POLD1: variants seen among roughly 807,000 people sequenced by gnomAD.
POLD1 encodes DNA polymerase delta catalytic subunit.
POLD1 carries 79 observed loss-of-function variants against 129.7 expected under a neutral mutation model. The observed-to-expected ratio is 0.61, with a 90% CI of 0.51 to 0.73. The LOEUF is 0.73. Ranked by LOEUF, POLD1 falls within the 30% of genes least tolerant of loss-of-function variation. The probability of loss-of-function intolerance (pLI) is 0.00; values close to 1 mark genes in which losing one functional copy is unlikely to be tolerated. For synonymous variants in POLD1, 714 were observed against 683.3 expected, an observed-to-expected ratio of 1.04 and a Z score of -0.70; for missense variants, 1,338 against 1,595.8, an observed-to-expected ratio of 0.84 and a Z score of 2.75.
chr19:50,402,277 C>G lies in POLD1; in HGVS notation c.662C>G (p.Ala221Gly). The change falls in exon 6 of 27, where the codon GCC becomes GGC. Residue 221 changes from alanine (A) to glycine (G), a missense_variant. Transcript: ENST00000440232. ...ACCGTGGCGCTGCCGCGCCTCGTGG[C>G]CCCGGCCCGCCGTCTCCTGGAACAG... ...RITVALPRLV[A>G]PARRLLEQGI... is the part of the protein sequence containing the mutation. 1.2e-6 allele frequency: 2 copies of G among 1,606,896 alleles called. No homozygotes were observed. The highest frequency in any genetic ancestry group is 8.5e-7 in the Non-Finnish European group (1 of 1,175,650).
intron 13 of POLD1, 38 bp from the exon 14 acceptor site, chr19:50,407,289 C>A (rs373705242): frequency 2.5e-6 from 4 of 1,588,276 alleles, no homozygotes; most frequent in Non-Finnish European, 3.4e-6. Flanking sequence ...CACGGCCCCA[C>A]CTATACCCAC....
At chr19:50,402,924 G>A in intron 8 of POLD1, 129 bp from the exon 9 acceptor site, 1 of 1,358,598 alleles carries the variant, frequency 7.4e-7, no homozygotes. Flanking sequence ...GAGCAGAGCA[G>A]GAGCCAGGGT....
intron 3 of POLD1, among the ~76,000 whole-genome samples, chr19:50,400,988 G>A (rs796427815): frequency 2.6e-5 from 4 of 151,650 alleles, no homozygotes; most frequent in African/African-American, 9.7e-5. Flanking sequence ...GAGCCACCGC[G>A]CCCGGCCTGG....
rs1229830033 is a variant in POLD1 at position 50,401,846 on chromosome 19, G to C, written c.385G>C (p.Gly129Arg). 6.2e-7 allele frequency: 1 copy of C among 1,613,892 alleles called. No individual in the cohort carries two copies. The highest frequency in any genetic ancestry group is 1.7e-5 in the Admixed American group (1 of 60,010). ...CTCCGTGCCTGTGCTCCGCGCCTTC[G>C]GGGTCACCGATGAGGGGTTCTCTGT... ...RGSVPVLRAFGVTDEGFSVCC... is the reference protein window; with the variant it reads ...RGSVPVLRAFRVTDEGFSVCC... The change falls in exon 4 of 27, where the codon GGG becomes CGG. Residue 129 changes from glycine to arginine, a missense_variant. Coordinates refer to ENST00000440232, the MANE Select transcript of POLD1 (RefSeq NM_002691.4).
At chr19:50,405,545 A>G (rs1433050886) in intron 10 of POLD1, among the ~76,000 whole-genome samples, 2 of 152,196 alleles carry the variant, frequency 1.3e-5, no homozygotes, top group Admixed American at 6.5e-5. Context: ...CCAGGGCAAC[A>G]TAGCAAGACC....
At chr19:50,395,468 C>T (rs1010294941) in intron 1 of POLD1, among the ~76,000 whole-genome samples, 2 of 152,100 alleles carry the variant, frequency 1.3e-5, no homozygotes, top group African/African-American at 4.8e-5. Context: ...CCTGTAGTCC[C>T]AGCTACTCAG....
rs1478100057 is a variant in POLD1 at position 50,416,359 on chromosome 19, C to A, written c.2821-37C>A. 1.4e-5 allele frequency: 21 copies of A among 1,544,624 alleles called. No homozygotes were observed. Among genetic ancestry groups the A allele is most frequent in the Non-Finnish European group, 1.8e-5 (21 of 1,145,394 alleles). ...CCCCGTGTCCACCCCGGTGCCCTTTCCCTGGCTGCCCGGGTGTGACTGCCA... is the reference window on the plus strand; with the variant it reads ...CCCCGTGTCCACCCCGGTGCCCTTTACCTGGCTGCCCGGGTGTGACTGCCA... On this transcript the variant is annotated intron_variant, in intron 22 of 26. Transcript: ENST00000440232.
In POLD1 at chr19:50,417,772, C is replaced by T. The variant is rs558381808; in HGVS notation, c.3219-70C>T. On this transcript the variant is annotated intron_variant, in intron 26 of 26. Transcript: ENST00000440232. The stretch of plus-strand genomic sequence containing the variant: ...CGGGGACCAAAGTCCTGGGAACAGC[C>T]CCCACCCCTCTCCCAGGCTGGGCAC... The T allele has an allele frequency of 9.6e-5, 92 of 960,664 alleles. No homozygotes were observed. The Admixed American group carries it at 1.4e-3, about 15-fold the overall frequency. The allele number at this position is 960,664 out of a possible 1,614,324, so 59.5% of individuals were successfully genotyped here. A position where few individuals can be genotyped will look rare whatever the true frequency, so the allele number is the denominator to read the frequency against.
At position 50,416,437 on chromosome 19, in the gene POLD1, G is replaced by T. The variant is rs3219440; in HGVS notation, c.2862G>T (p.Thr954=). The T allele has an allele frequency of 6.5e-7, 1 of 1,549,982 alleles. No individual in the cohort carries two copies. The highest frequency in any genetic ancestry group is 8.7e-7 in the Non-Finnish European group (1 of 1,147,448). ...TGGAGCACAGCCTGCCCATTGACAC[G>T]CAGTACTACCTGGAGCAGCAGCTGG... ...FVLEHSLPID[T]QYYLEQQLAK... Residue 954 remains threonine, a synonymous_variant, in exon 23 of 27, where the codon ACG becomes ACT. Transcript: ENST00000440232.
chr19:50,387,842 A>G (rs2038023483), intron 1 of POLD1: 1 of 152,506 alleles, frequency 6.6e-6, no homozygotes, highest in South Asian at 2.1e-4. Flanking sequence ...CCCAAAGAGC[A>G]CAAACGCAGT....
chr19:50,403,173 T>C lies in POLD1; in HGVS notation c.1091T>C (p.Leu364Pro), dbSNP rs947583054. The change falls in exon 9 of 27, where the codon CTG becomes CCG. Residue 364 changes from leucine (L) to proline (P), a missense_variant. By Grantham distance (98) the Leu-to-Pro change is moderately conservative. Transcript: ENST00000440232. ...ACCCTGCGGCCCTGTGCCCCCATCC[T>C]GGGTGCCAAGGTGCAGAGCTACGAG... ...ALTLRPCAPI[L>P]GAKVQSYEKE... The C allele has an allele frequency of 7.7e-6, 12 of 1,562,466 alleles. No homozygotes were observed. Among genetic ancestry groups the C allele is most frequent in the Non-Finnish European group, 9.5e-6 (11 of 1,153,108 alleles).
At position 50,402,089 on chromosome 19, in the gene POLD1, C is replaced by T. The variant is rs370292497; in HGVS notation, c.554C>T (p.Pro185Leu). 22 of 1,613,798 alleles carry T rather than the reference C, an allele frequency of 1.4e-5. No homozygotes were observed. Among genetic ancestry groups the T allele is most frequent in the African/African-American group, 4.0e-5 (3 of 75,056 alleles). ...DSRGGRELTG[P>L]AVLAVELCSR... ...CGCGGGGGGAGGGAGCTGACTGGGC[C>T]GGCCGTGCTGGCTGTGGAACTGTGC... is the stretch of plus-strand genomic sequence containing the variant. Residue 185 changes from proline (P) to leucine (L), a missense_variant, in exon 5 of 27, where the codon CCG becomes CTG. By Grantham distance (98) the Pro-to-Leu change is moderately conservative (BLOSUM62 -3). Coordinates refer to ENST00000440232, the MANE Select transcript of POLD1 (RefSeq NM_002691.4).
intron 1 of POLD1, among the ~76,000 whole-genome samples, chr19:50,392,922 A>G (rs2546550): frequency 0.072 from 10,906 of 152,328 alleles, 1,302 homozygotes; most frequent in African/African-American, 0.24. Flanking sequence ...CTATCAGTAC[A>G]CAAAGAGCTT....
intron 1 of POLD1, among the ~76,000 whole-genome samples, chr19:50,395,911 T>C (rs1267527341): frequency 3.3e-5 from 3 of 90,342 alleles, no homozygotes; most frequent in Admixed American, 1.7e-4. Flanking sequence ...TGAGACAGGG[T>C]ATTGCCATCT....
At chr19:50,387,095 G>T (rs575199018) in intron 1 of POLD1, among the ~76,000 whole-genome samples, 1 of 152,278 alleles carries the variant, frequency 6.6e-6, no homozygotes, top group Admixed American at 6.5e-5. Flanking sequence ...GGGAGGCCGA[G>T]GTGGACGGAT....
rs2039011433 is a variant in POLD1 at position 50,409,338 on chromosome 19, C to G, written c.2006+103C>G. ...CCCAGGGCTGCCCAGCCACCCTGCC[C>G]TCAGCTGTGCGTGAATTAGCACAAG... On this transcript the variant is annotated intron_variant, in intron 16 of 26. Transcript: ENST00000440232. The surrounding 1 kb of genome is among the most constrained non-coding windows in gnomAD (Gnocchi z 5.8). The G allele has an allele frequency of 1.6e-6, 2 of 1,217,430 alleles. No homozygotes were observed. The highest frequency in any genetic ancestry group is 1.9e-5 in the Admixed American group (1 of 51,970). The allele number at this position is 1,217,430 out of a possible 1,614,324, so 75.4% of individuals were successfully genotyped here. A position where few individuals can be genotyped will look rare whatever the true frequency, so the allele number is the denominator to read the frequency against.
rs970495066 is a variant in POLD1, at chr19:50,384,409, G to A, written c.-2+19G>A. ...GAAGCGGGTGAGTAGAGGGGAAAAAGGGAGTTCGGGGCAGTGGGCCTGGTA... is the reference window on the plus strand; with the variant it reads ...GAAGCGGGTGAGTAGAGGGGAAAAAAGGAGTTCGGGGCAGTGGGCCTGGTA... On this transcript the variant is annotated intron_variant, in intron 1 of 26. Transcript: ENST00000440232. The A allele has an allele frequency of 4.6e-5, 7 of 152,722 alleles. No homozygotes were observed. The highest frequency in any genetic ancestry group is 1.7e-4 in the African/African-American group (7 of 41,592). 9.5% of individuals were successfully genotyped at this position (152,722 alleles called of 1,614,324 possible). A position where few individuals can be genotyped will look rare whatever the true frequency, so the allele number is the denominator to read the frequency against.
intron 1 of POLD1, among the ~76,000 whole-genome samples, chr19:50,392,193 C>T (rs2038199974): frequency 6.6e-6 from 1 of 152,192 alleles, no homozygotes; most frequent in Admixed American, 6.5e-5. Context: ...ACCTCAGTCT[C>T]CCAAGTAGCT....
At position 50,406,673 on chromosome 19, in the gene POLD1, C is replaced by G. The variant is rs1205813298; in HGVS notation, c.1494+156C>G. The stretch of plus-strand genomic sequence containing the variant: ...TACCTGACGCCCACTTTTTCCTGAC[C>G]TCTGACCCCAGATTTCTCTCCACTC... On this transcript the variant is annotated intron_variant, in intron 12 of 26. Transcript: ENST00000440232. The surrounding 1 kb of genome is among the most constrained non-coding windows in gnomAD (Gnocchi z 5.5). Among the ~76,000 whole-genome samples the G allele has an allele frequency of 6.6e-6, 1 of 152,150 alleles. No homozygotes were observed. The highest frequency in any genetic ancestry group is 1.5e-5 in the Non-Finnish European group (1 of 68,030).
Sources: allele counts gnomAD v4.1 joint callset (sites outside exome capture counted in the v4.1 genomes callset), GRCh38; gene constraint gnomAD v4.1.1; non-coding constraint Gnocchi (gnomAD v3.1); transcripts MANE v1.5; gene names NCBI Gene and HGNC (gene_info 2026-07-23, HGNC 2026-07-21).